The following MTSS1 variants were observed in gnomAD, a reference collection of about 807,000 sequenced individuals.
MTSS1 encodes the protein MTSS I-BAR domain containing 1, also known as protein MTSS 1.
A neutral mutation model predicts 79.0 loss-of-function variants in MTSS1; 18 were observed. The ratio of observed to expected loss-of-function variants is 0.23; its 90% CI spans 0.16 to 0.34. The LOEUF is 0.34. Among genes scored for constraint, MTSS1 ranks in the 10% least tolerant of loss-of-function variants. The pLI, the probability that MTSS1 is intolerant of heterozygous loss-of-function variation, is 1.00. For synonymous variants in MTSS1, 341 were observed against 368.6 expected, an observed-to-expected ratio of 0.93 and a Z score of 0.86; for missense variants, 815 against 986.2, an observed-to-expected ratio of 0.83 and a Z score of 2.33.
chr8:124,694,028 C>T (rs960719073), intron 3 of MTSS1, among the ~76,000 whole-genome samples: 1 of 152,142 alleles, frequency 6.6e-6, no homozygotes, highest in African/African-American at 2.4e-5. Flanking sequence ...ACCTACGTAT[C>T]CCAGATCCCA....
chr8:124,623,413 C>T (rs1256187151), intron 3 of MTSS1, among the ~76,000 whole-genome samples: 1 of 152,158 alleles, frequency 6.6e-6, no homozygotes, highest in African/African-American at 2.4e-5. Flanking sequence ...TTTGTGAATG[C>T]CACATTTTCT....
Position 124,568,417 on chromosome 8 carries a change from G to A in MTSS1, c.580C>T (p.Arg194Ter), listed in dbSNP as rs1195375883. 6.2e-7 allele frequency: 1 copy of A among 1,613,992 alleles called. No individual in the cohort carries two copies. Among genetic ancestry groups the A allele is most frequent in the Non-Finnish European group, 8.5e-7 (1 of 1,180,020 alleles). ...VRKALIEERG[R>*]FCTFISMLRP... ...AGCATAGAGATGAAGGTACAGAATC[G>A]GCCACGTTCTTCAATCAAAGCCTTC... The change falls in exon 7 of 14, where the codon CGA becomes TGA. Residue 194 changes from arginine (R) to a stop codon, truncating the protein, a stop_gained. Coordinates refer to ENST00000518547, the MANE Select transcript of MTSS1 (RefSeq NM_014751.6). LOFTEE classifies it high-confidence loss of function.
rs73341855 is a variant in MTSS1 at position 124,604,450 on chromosome 8, T to C, written c.209-13215A>G. 8.7e-3 allele frequency among the ~76,000 whole-genome samples: 1,320 copies of C among 151,870 alleles called. 20 individuals are homozygous for C. Among genetic ancestry groups the C allele is most frequent in the African/African-American group, 0.029 (1,199 of 41,386 alleles). On this transcript the variant is annotated intron_variant, in intron 3 of 13. Coordinates refer to ENST00000518547, the MANE Select transcript of MTSS1 (RefSeq NM_014751.6). ...GAAAATAGGTTCCTTAGGACAAAGGTAAAAGAACTTGAAAAGATATTCAAA... is the reference window on the plus strand; with the variant it reads ...GAAAATAGGTTCCTTAGGACAAAGGCAAAAGAACTTGAAAAGATATTCAAA...
In MTSS1 at chr8:124,565,932, A is replaced by G; in HGVS notation, c.727-173T>C. 2 of 508,144 alleles carry G rather than the reference A, an allele frequency of 3.9e-6. 1 individual carries two copies. The allele number at this position is 508,144 out of a possible 1,614,324, so 31.5% of individuals were successfully genotyped here. ...GAAGAGCCACAGTACCAAATCCATCAATATCATAATCCTTTTACTGAGAAA... is the reference window on the plus strand; with the variant it reads ...GAAGAGCCACAGTACCAAATCCATCGATATCATAATCCTTTTACTGAGAAA... On this transcript the variant is annotated intron_variant, in intron 8 of 13. Coordinates refer to ENST00000518547, the MANE Select transcript of MTSS1 (RefSeq NM_014751.6).
At chr8:124,608,446 C>T (rs564533980) in intron 3 of MTSS1, among the ~76,000 whole-genome samples, 13 of 152,266 alleles carry the variant, frequency 8.5e-5, no homozygotes, top group African/African-American at 2.4e-4. Flanking sequence ...ATCATGGCCT[C>T]GCCTCCTCCG....
chr8:124,556,197 T>A, intron 12 of MTSS1, 35 bp downstream of exon 12: 1 of 1,613,806 alleles, frequency 6.2e-7, no homozygotes, highest in Non-Finnish European at 8.5e-7. Context: ...CAGGCTGAGG[T>A]GGCCCCAACC....
At chr8:124,723,730 G>A (rs1833280694) in intron 1 of MTSS1, among the ~76,000 whole-genome samples, 1 of 152,096 alleles carries the variant, frequency 6.6e-6, no homozygotes, top group African/African-American at 2.4e-5. Flanking sequence ...TAAAACCCTG[G>A]CCAAATACAA....
chr8:124,631,525 C>G lies in MTSS1; in HGVS notation c.209-40290G>C, dbSNP rs138741770. Among the ~76,000 whole-genome samples, 1,042 of 152,314 alleles carry G rather than the reference C, an allele frequency of 6.8e-3. 14 individuals carry two copies. Among genetic ancestry groups the G allele is most frequent in the African/African-American group, 0.024 (985 of 41,564 alleles). The stretch of plus-strand genomic sequence containing the variant: ...CCATGCTCCCAGGCTTTGTTGGTGA[C>G]CTCACCGTGCACCAGACCTTAACTC... On this transcript the variant is annotated intron_variant, in intron 3 of 13. Coordinates refer to ENST00000518547, the MANE Select transcript of MTSS1 (RefSeq NM_014751.6).
chr8:124,692,623 T>A (rs1828135104), intron 3 of MTSS1, among the ~76,000 whole-genome samples: 1 of 151,932 alleles, frequency 6.6e-6, no homozygotes. Context: ...CCTCCTCCAC[T>A]CCATCCATGA....
chr8:124,559,211 G>A lies in MTSS1; in HGVS notation c.1036-1336C>T, dbSNP rs115767506. On this transcript the variant is annotated intron_variant, in intron 10 of 13. Transcript: ENST00000518547. ...CGTGCTCTCTTGGGTGTTTCTTCAC[G>A]TGCCACAGGCCCAGGTCCCCAGGGA... is the stretch of plus-strand genomic sequence containing the variant. 1.3e-3 allele frequency among the ~76,000 whole-genome samples: 192 copies of A among 152,250 alleles called. 3 individuals are homozygous for A. The highest frequency in any genetic ancestry group is 4.5e-3 in the African/African-American group (186 of 41,540).
chr8:124,567,556 G>A (rs746899075), intron 7 of MTSS1: 22 of 1,297,250 alleles, frequency 1.7e-5, no homozygotes, highest in Admixed American at 3.2e-5. Flanking sequence ...TGGATGACAC[G>A]ACTTGGATAT....
At chr8:124,627,961 G>A (rs1587408095) in intron 3 of MTSS1, among the ~76,000 whole-genome samples, 1 of 152,228 alleles carries the variant, frequency 6.6e-6, no homozygotes, top group Admixed American at 6.5e-5. Flanking sequence ...GAGGTCAGGA[G>A]TTAGAGACCA....
In MTSS1 at chr8:124,727,785, C is replaced by A; in HGVS notation, c.72+99G>T. The A allele has an allele frequency of 1.8e-6, 2 of 1,093,244 alleles. No homozygotes were observed. The highest frequency in any genetic ancestry group is 3.5e-5 in the South Asian group (2 of 56,370). 67.7% of individuals were successfully genotyped at this position (1,093,244 alleles called of 1,614,324 possible). Reference sequence around the variant, plus strand: ...CCGCAGGTGGCCGGTGGCCACACTGCAGGGAAGGGCCGGGTGCCCGGCCCG... The same window carrying A: ...CCGCAGGTGGCCGGTGGCCACACTGAAGGGAAGGGCCGGGTGCCCGGCCCG... On this transcript the variant is annotated intron_variant, in intron 1 of 13. Coordinates refer to ENST00000518547, the MANE Select transcript of MTSS1 (RefSeq NM_014751.6). The surrounding 1 kb of genome is among the most constrained non-coding windows in gnomAD (Gnocchi z 4.7).
intron 3 of MTSS1, among the ~76,000 whole-genome samples, chr8:124,663,571 T>TGAA (rs1366713020): frequency 2.0e-5 from 3 of 152,040 alleles, no homozygotes; most frequent in Non-Finnish European, 2.9e-5. Context: ...CCCCACACTC[T>TGAA]TTAAAGCAAT....
chr8:124,607,914 C>T (rs1010303346), intron 3 of MTSS1, among the ~76,000 whole-genome samples: 2 of 151,948 alleles, frequency 1.3e-5, no homozygotes, highest in Non-Finnish European at 2.9e-5. Flanking sequence ...GTAATTTGTT[C>T]GGTAAATAAG....
intron 3 of MTSS1, among the ~76,000 whole-genome samples, chr8:124,633,174 A>C (rs1816333050): frequency 6.6e-6 from 1 of 151,270 alleles, no homozygotes; most frequent in African/African-American, 2.5e-5. Flanking sequence ...AAAATTAAAA[A>C]AAAATTTTTA....
At position 124,683,715 on chromosome 8, in the gene MTSS1, C is replaced by T. The variant is rs544964620; in HGVS notation, c.208+15811G>A. On this transcript the variant is annotated intron_variant, in intron 3 of 13. Transcript: ENST00000518547. The surrounding 1 kb of genome is among the most constrained non-coding windows in gnomAD (Gnocchi z 4.5). ...GAAACCATCTTACTGACATGGTCAA[C>T]CAATGGCTGAGCAGACACACTCAGG... Among the ~76,000 whole-genome samples, 9 of 152,294 alleles carry T rather than the reference C, an allele frequency of 5.9e-5. No individual in the cohort carries two copies. The highest frequency in any genetic ancestry group is 2.2e-4 in the African/African-American group (9 of 41,556).
intron 3 of MTSS1, among the ~76,000 whole-genome samples, chr8:124,609,200 A>C (rs1032237120): frequency 5.9e-5 from 9 of 152,152 alleles, no homozygotes; most frequent in African/African-American, 2.2e-4. Flanking sequence ...TGCACCACTA[A>C]AGGACACAGG....
intron 3 of MTSS1, among the ~76,000 whole-genome samples, chr8:124,675,277 G>C (rs193089025): frequency 4.7e-4 from 72 of 152,342 alleles, no homozygotes; most frequent in African/African-American, 1.5e-3. Flanking sequence ...GAAAACCCAA[G>C]AGCCAGTCCT....
Sources: allele counts gnomAD v4.1 joint callset (sites outside exome capture counted in the v4.1 genomes callset), GRCh38; gene constraint gnomAD v4.1.1; non-coding constraint Gnocchi (gnomAD v3.1); transcripts MANE v1.5; gene names NCBI Gene and HGNC (gene_info 2026-07-23, HGNC 2026-07-21).